Variants in TENM4 observed in about 807,000 individuals in gnomAD.
The protein encoded by TENM4 is teneurin-4.
In TENM4, 82 loss-of-function variants were observed where a neutral mutation model predicts 243.3. The observed-to-expected ratio is 0.34, with a 90% CI of 0.28 to 0.40. TENM4 has a LOEUF of 0.40. Ranked by LOEUF, TENM4 falls within the 10% of genes least tolerant of loss-of-function variation. The pLI is 1.00. For missense variants in TENM4, 3,138 were observed against 3,673.3 expected, an observed-to-expected ratio of 0.85 and a Z score of 3.77; for synonymous variants, 1,412 against 1,456.3, an observed-to-expected ratio of 0.97 and a Z score of 0.69.
At chr11:78,922,882 C>T (rs902589430) in intron 6 of TENM4, among the ~76,000 whole-genome samples, 12 of 152,192 alleles carry the variant, frequency 7.9e-5, no homozygotes, top group Non-Finnish European at 1.8e-4. Context: ...ATGATGCTAG[C>T]CTCCAGCCAG....
intron 9 of TENM4, among the ~76,000 whole-genome samples, chr11:78,878,605 G>A (rs897856972): frequency 2.6e-5 from 4 of 152,222 alleles, no homozygotes; most frequent in South Asian, 2.1e-4. Context: ...GTGACCCTGC[G>A]CCCACCTCCC....
In TENM4 at chr11:78,856,140, CTA is replaced by C; in HGVS notation, c.1292_1293del (p.Ile431ArgfsTer6). 1.3e-6 allele frequency: 2 copies of C among 1,551,670 alleles called. No individual in the cohort carries two copies. Among genetic ancestry groups the C allele is most frequent in the Non-Finnish European group, 1.7e-6 (2 of 1,146,992 alleles). ...CTTCCCACATCAATTTCTCCAGAAT[CTA>C]TGAAACTGTCCTCTGGAAAGAAACT... ...PSSFFPEDSFIDSGEIDVGRR... is the reference protein window; with the variant it reads ...PSSFFPEDSFXDSGEIDVGRR... On this transcript the variant is annotated frameshift_variant, in exon 11 of 34. Transcript: ENST00000278550. LOFTEE classifies it high-confidence loss of function.
At chr11:78,724,838 C>T (rs1407869916) in intron 23 of TENM4, among the ~76,000 whole-genome samples, 1 of 152,190 alleles carries the variant, frequency 6.6e-6, no homozygotes, top group African/African-American at 2.4e-5. Context: ...CATCCTTGAC[C>T]TCCTTCCTGA....
chr11:78,912,585 T>G (rs915263874), intron 6 of TENM4, among the ~76,000 whole-genome samples: 1 of 152,102 alleles, frequency 6.6e-6, no homozygotes, highest in African/African-American at 2.4e-5. Flanking sequence ...CTAAGAGTAG[T>G]CATAAGAGTG....
At chr11:79,268,340 AAAACAG>A (rs1855914062) in intron 2 of TENM4, among the ~76,000 whole-genome samples, 1 of 152,252 alleles carries the variant, frequency 6.6e-6, no homozygotes, top group African/African-American at 2.4e-5. Flanking sequence ...CTTTGTTTAC[AAAACAG>A]GCAACAGGCC....
At chr11:79,111,325 T>C (rs892140396) in intron 4 of TENM4, among the ~76,000 whole-genome samples, 3 of 152,080 alleles carry the variant, frequency 2.0e-5, no homozygotes, top group Non-Finnish European at 2.9e-5. Context: ...GTGGGTAGAT[T>C]ACAAGGTCAG....
chr11:79,090,042 G>C, intron 4 of TENM4, among the ~76,000 whole-genome samples: 1 of 152,182 alleles, frequency 6.6e-6, no homozygotes, highest in African/African-American at 2.4e-5. Flanking sequence ...CTTTGAAGCT[G>C]TGAAGCACTA....
intron 2 of TENM4, among the ~76,000 whole-genome samples, chr11:79,272,639 C>T (rs1330742633): frequency 6.6e-6 from 1 of 151,942 alleles, no homozygotes; most frequent in African/African-American, 2.4e-5. Context: ...TTTCTCCAAC[C>T]AAGCCACACA....
At chr11:79,236,654 A>G (rs1285927346) in intron 2 of TENM4, among the ~76,000 whole-genome samples, 4 of 152,170 alleles carry the variant, frequency 2.6e-5, no homozygotes, top group African/African-American at 9.7e-5. Flanking sequence ...TCTGCAGCAG[A>G]TACCAAATAC....
chr11:78,850,061 C>CTGTG (rs142162971), intron 12 of TENM4, among the ~76,000 whole-genome samples: 48,842 of 149,772 alleles, frequency 0.33, 8,364 homozygotes, highest in Middle Eastern at 0.39. Flanking sequence ...TTTCAGTGCT[C>CTGTG]TGTGTGTGTG....
At chr11:78,862,779 G>A (rs1327032535) in intron 10 of TENM4, among the ~76,000 whole-genome samples, 183 bp downstream of exon 10, 1 of 152,198 alleles carries the variant, frequency 6.6e-6, no homozygotes, top group Non-Finnish European at 1.5e-5. Context: ...CAGTGACAAG[G>A]AACTGCGATG....
At chr11:79,058,387 CA>C (rs981467795) in intron 6 of TENM4, among the ~76,000 whole-genome samples, 11 of 151,382 alleles carry the variant, frequency 7.3e-5, no homozygotes, top group Middle Eastern at 3.4e-3. Context: ...ACTAAAAATA[CA>C]AAAAAAATTA....
chr11:78,668,791 T>G (rs1023541463), intron 32 of TENM4, 146 bp downstream of exon 32: 43 of 1,076,420 alleles, frequency 4.0e-5, no homozygotes, highest in Non-Finnish European at 5.6e-5. Flanking sequence ...CTAGTGTTTC[T>G]TCAAACGGAC....
At chr11:79,083,269 A>G (rs1436646462) in intron 4 of TENM4, among the ~76,000 whole-genome samples, 1 of 152,208 alleles carries the variant, frequency 6.6e-6, no homozygotes, top group Admixed American at 6.5e-5. Flanking sequence ...GTGCCATCGC[A>G]AGCCTTCGGC....
At chr11:79,315,000 T>C (rs935867094) in intron 1 of TENM4, among the ~76,000 whole-genome samples, 1 of 152,160 alleles carries the variant, frequency 6.6e-6, no homozygotes, top group Non-Finnish European at 1.5e-5. Context: ...TTTAATAATA[T>C]ATATGCTTAG....
At position 78,732,236 on chromosome 11, in the gene TENM4, T is replaced by C; in HGVS notation, c.3138+80A>G. On this transcript the variant is annotated intron_variant, in intron 21 of 33. Transcript: ENST00000278550. ...AAGCCCTACAGAGGTGTTTTTTCTC[T>C]TTCCACTGTCTCTGAGATCCTCCTC... 1.2e-5 allele frequency: 18 copies of C among 1,515,874 alleles called. No homozygotes were observed. In the South Asian group the frequency reaches 2.4e-4, roughly 20 times the overall value. 93.9% of individuals were successfully genotyped at this position (1,515,874 alleles called of 1,614,324 possible).
chr11:79,350,792 C>T (rs1487898273), intron 1 of TENM4, among the ~76,000 whole-genome samples: 1 of 152,064 alleles, frequency 6.6e-6, no homozygotes, highest in Non-Finnish European at 1.5e-5. Context: ...CTCCCAACTA[C>T]CACGCCCTTC....
intron 4 of TENM4, among the ~76,000 whole-genome samples, chr11:79,071,033 C>T (rs969387334): frequency 1.3e-5 from 2 of 152,164 alleles, no homozygotes; most frequent in African/African-American, 4.8e-5. Context: ...TGGGAAGCTC[C>T]TAATAGCCCT....
chr11:79,202,505 C>A (rs114549483), intron 3 of TENM4, among the ~76,000 whole-genome samples: 1,812 of 152,340 alleles, frequency 0.012, 36 homozygotes, highest in African/African-American at 0.041. Flanking sequence ...AATAAACTCA[C>A]ATAGTTCAGA....
Sources: gnomAD v4.1 joint callset for allele counts (sites outside exome capture counted in the v4.1 genomes callset) on GRCh38, gnomAD v4.1.1 for gene constraint, MANE v1.5 for transcripts, NCBI Gene and HGNC (gene_info 2026-07-23, HGNC 2026-07-21) for gene names.